Variants in HS6ST3 observed in about 807,000 individuals in gnomAD.
HS6ST3 encodes the protein heparan-sulfate 6-O-sulfotransferase 3.
Under a neutral mutation model 36.7 loss-of-function variants are expected in HS6ST3, and 12 were observed. The observed-to-expected ratio is 0.33, with a 90% CI of 0.21 to 0.53. The LOEUF (loss-of-function observed/expected upper bound fraction) is 0.53, where lower values mean the gene tolerates loss of function less well. Among genes scored for constraint, HS6ST3 ranks in the 20% least tolerant of loss-of-function variants. The pLI, the probability that HS6ST3 is intolerant of heterozygous loss-of-function variation, is 0.95. For missense variants in HS6ST3, 584 were observed against 640.9 expected (o/e 0.91, Z 0.96); for synonymous variants, 240 against 257.5 (o/e 0.93, Z 0.65).
At chr13:96,811,845 A>G (rs1465139421) in intron 1 of HS6ST3, among the ~76,000 whole-genome samples, 1 of 152,224 alleles carries the variant, frequency 6.6e-6, no homozygotes, top group Non-Finnish European at 1.5e-5. Context: ...GTCTCGGCTA[A>G]GCTACCAAAC....
chr13:96,141,690 T>TTCAA (rs1256237987), intron 1 of HS6ST3, among the ~76,000 whole-genome samples: 1 of 152,040 alleles, frequency 6.6e-6, no homozygotes, highest in Non-Finnish European at 1.5e-5. Context: ...AATGCATGAG[T>TTCAA]TCAACACTGA....
At chr13:96,831,211 A>T (rs568704027) in intron 1 of HS6ST3, among the ~76,000 whole-genome samples, 1 of 152,284 alleles carries the variant, frequency 6.6e-6, no homozygotes, top group East Asian at 1.9e-4. Flanking sequence ...CCTGATCTCT[A>T]TGTGATTCTT....
At chr13:96,703,745 A>G (rs1875348326) in intron 1 of HS6ST3, among the ~76,000 whole-genome samples, 1 of 152,160 alleles carries the variant, frequency 6.6e-6, no homozygotes, top group Non-Finnish European at 1.5e-5. Flanking sequence ...ATAGTCTGAC[A>G]TGGTTTGGCT....
intron 1 of HS6ST3, among the ~76,000 whole-genome samples, chr13:96,166,119 A>C (rs1381932220): frequency 6.6e-6 from 1 of 151,780 alleles, no homozygotes; most frequent in Non-Finnish European, 1.5e-5. Context: ...GTGCAATTAT[A>C]GAATTATAGC....
chr13:96,194,856 T>G (rs1023058489), intron 1 of HS6ST3, among the ~76,000 whole-genome samples: 3 of 152,144 alleles, frequency 2.0e-5, no homozygotes, highest in African/African-American at 7.2e-5. Context: ...GTTATGTTCC[T>G]CTTATTTCTT....
intron 1 of HS6ST3, among the ~76,000 whole-genome samples, chr13:96,317,349 TATATATA>T (rs2054977264): frequency 1.1e-4 from 9 of 79,166 alleles, no homozygotes; most frequent in South Asian, 3.7e-4. Context: ...TATATATATA[TATATATA>T]TATATATATA....
intron 1 of HS6ST3, among the ~76,000 whole-genome samples, chr13:96,107,401 A>G (rs928771447): frequency 2.0e-5 from 3 of 152,126 alleles, no homozygotes; most frequent in African/African-American, 7.2e-5. Context: ...AAGGTGTTGG[A>G]TGGGTTATCC....
At chr13:96,684,664 G>A (rs534539487) in intron 1 of HS6ST3, among the ~76,000 whole-genome samples, 2 of 152,162 alleles carry the variant, frequency 1.3e-5, no homozygotes, top group African/African-American at 4.8e-5. Context: ...CCATTGTGTT[G>A]TCATCCTTTC....
chr13:96,750,726 T>C (rs1369172898), intron 1 of HS6ST3, among the ~76,000 whole-genome samples: 1 of 152,186 alleles, frequency 6.6e-6, no homozygotes, highest in African/African-American at 2.4e-5. Context: ...CTGGAAACTT[T>C]GTCCAATAGG....
intron 1 of HS6ST3, among the ~76,000 whole-genome samples, chr13:96,347,987 T>C (rs758969846): frequency 6.6e-6 from 1 of 152,166 alleles, no homozygotes; most frequent in African/African-American, 2.4e-5. Context: ...CTCTAGCACC[T>C]AGCACACTCT....
chr13:96,614,491 G>C lies in HS6ST3; in HGVS notation c.708-217999G>C, dbSNP rs138663610. On this transcript the variant is annotated intron_variant, in intron 1 of 1. Coordinates refer to ENST00000376705, the MANE Select transcript of HS6ST3 (RefSeq NM_153456.4). The stretch of plus-strand genomic sequence containing the variant: ...AGTTAAGAGCAAAATAGGGCCAAGG[G>C]TGTTGGTGGGGATGGTGGGTTGAAG... 7.8e-4 allele frequency among the ~76,000 whole-genome samples: 118 copies of C among 152,068 alleles called. 1 individual carries two copies. The East Asian group carries it at 0.02, about 26-fold the overall frequency.
chr13:96,606,856 C>T (rs2056440980), intron 1 of HS6ST3, among the ~76,000 whole-genome samples: 1 of 151,896 alleles, frequency 6.6e-6, no homozygotes, highest in Non-Finnish European at 1.5e-5. Flanking sequence ...ATACATGTAA[C>T]AGATAAATAT....
At chr13:96,469,391 T>C (rs2055830037) in intron 1 of HS6ST3, among the ~76,000 whole-genome samples, 1 of 152,092 alleles carries the variant, frequency 6.6e-6, no homozygotes, top group South Asian at 2.1e-4. Flanking sequence ...AATTCCATCC[T>C]TCAGCAGGCC....
At chr13:96,828,335 T>C (rs1003744399) in intron 1 of HS6ST3, among the ~76,000 whole-genome samples, 1 of 152,218 alleles carries the variant, frequency 6.6e-6, no homozygotes, top group Non-Finnish European at 1.5e-5. Flanking sequence ...ATATTGCAGC[T>C]GATCAATTCC....
intron 1 of HS6ST3, among the ~76,000 whole-genome samples, chr13:96,572,605 CTT>C (rs34853293): frequency 7.7e-4 from 110 of 143,790 alleles, no homozygotes; most frequent in Middle Eastern, 3.5e-3. Context: ...TTATTGTGGA[CTT>C]TTTTTTTTTT....
intron 1 of HS6ST3, among the ~76,000 whole-genome samples, chr13:96,211,818 G>T (rs1457170792): frequency 6.6e-6 from 1 of 152,130 alleles, no homozygotes; most frequent in Non-Finnish European, 1.5e-5. Context: ...ATGATATACT[G>T]CTGCTTTTCT....
chr13:96,710,621 C>T (rs1401571846), intron 1 of HS6ST3, among the ~76,000 whole-genome samples: 1 of 152,238 alleles, frequency 6.6e-6, no homozygotes, highest in African/African-American at 2.4e-5. Context: ...GAGAAGCAGG[C>T]TGATTGCACT....
intron 1 of HS6ST3, among the ~76,000 whole-genome samples, chr13:96,670,626 G>T (rs908939236): frequency 1.3e-5 from 2 of 152,198 alleles, no homozygotes; most frequent in African/African-American, 4.8e-5. Context: ...TATGGTTATT[G>T]GTTGGAAGTC....
intron 1 of HS6ST3, among the ~76,000 whole-genome samples, chr13:96,643,940 T>C (rs1049172969): frequency 6.6e-6 from 1 of 151,870 alleles, no homozygotes; most frequent in Non-Finnish European, 1.5e-5. Flanking sequence ...AAAATGAATG[T>C]TCTCTGAATT....
Sources: allele counts gnomAD v4.1 joint callset (sites outside exome capture counted in the v4.1 genomes callset), GRCh38; gene constraint gnomAD v4.1.1; transcripts MANE v1.5; gene names NCBI Gene and HGNC (gene_info 2026-07-23, HGNC 2026-07-21).